SPTLC2: variants seen among roughly 807,000 people sequenced by gnomAD.
SPTLC2 encodes serine palmitoyltransferase long chain base subunit 2.
In SPTLC2, 21 loss-of-function variants were observed where a neutral mutation model predicts 62.0. That is an observed-to-expected ratio of 0.34 (90% CI 0.24 to 0.49). SPTLC2 has a LOEUF of 0.49. Ranked by LOEUF, SPTLC2 falls within the 20% of genes least tolerant of loss-of-function variation. The probability of loss-of-function intolerance (pLI) is 0.99; values close to 1 mark genes in which losing one functional copy is unlikely to be tolerated. For synonymous variants in SPTLC2, 261 were observed against 261.8 expected, an observed-to-expected ratio of 1.00 and a Z score of 0.03; for missense variants, 511 against 713.0, an observed-to-expected ratio of 0.72 and a Z score of 3.23.
At chr14:77,604,011 C>T (rs2079891628) in intron 1 of SPTLC2, among the ~76,000 whole-genome samples, 1 of 152,252 alleles carries the variant, frequency 6.6e-6, no homozygotes, top group Non-Finnish European at 1.5e-5. Context: ...TCTGCCCCCA[C>T]CACGTGCTCC....
Position 77,511,227 on chromosome 14 carries a change from T to C in SPTLC2, c.*1057A>G, listed in dbSNP as rs2079330764. ...TAAATTAATAAACCTAATCCTTAAA[T>C]AGGAACATGATAAATGCTTTCTGAG... On this transcript the variant is annotated 3_prime_UTR_variant, in exon 12 of 12. Transcript: ENST00000216484. The C allele has an allele frequency of 6.6e-6, 1 of 152,222 alleles. No homozygotes were observed. The highest frequency in any genetic ancestry group is 1.5e-5 in the Non-Finnish European group (1 of 68,032). 9.4% of individuals were successfully genotyped at this position (152,222 alleles called of 1,614,324 possible). A position where few individuals can be genotyped will look rare whatever the true frequency, so the allele number is the denominator to read the frequency against.
intron 10 of SPTLC2, 89 bp from the exon 11 acceptor site, chr14:77,518,256 T>C: frequency 6.3e-7 from 1 of 1,582,990 alleles, no homozygotes; most frequent in Non-Finnish European, 8.6e-7. Context: ...TTTCAACTCT[T>C]TGGTGATGCA....
chr14:77,551,567 CTG>C (rs2079555980), intron 9 of SPTLC2, among the ~76,000 whole-genome samples: 1 of 152,090 alleles, frequency 6.6e-6, no homozygotes, highest in Non-Finnish European at 1.5e-5. Flanking sequence ...AAAGTGAACA[CTG>C]AACTTCACTG....
chr14:77,561,656 T>C (rs948373937), intron 6 of SPTLC2, among the ~76,000 whole-genome samples: 5 of 150,628 alleles, frequency 3.3e-5, no homozygotes, highest in African/African-American at 9.7e-5. Flanking sequence ...TGATATTTAA[T>C]AAGATCTCAT....
chr14:77,527,564 G>T (rs1249418074), intron 9 of SPTLC2, among the ~76,000 whole-genome samples: 1 of 152,128 alleles, frequency 6.6e-6, no homozygotes, highest in Non-Finnish European at 1.5e-5. Flanking sequence ...ATTTTTAAAA[G>T]GAATATTTTA....
intron 1 of SPTLC2, among the ~76,000 whole-genome samples, chr14:77,614,492 G>GT (rs1369372689): frequency 6.6e-6 from 1 of 151,782 alleles, no homozygotes; most frequent in East Asian, 1.9e-4. Flanking sequence ...GTGAAACCCC[G>GT]TATCTACTAA....
chr14:77,524,367 T>C (rs754260638), intron 9 of SPTLC2, among the ~76,000 whole-genome samples: 85 of 151,934 alleles, frequency 5.6e-4, no homozygotes, highest in Middle Eastern at 3.4e-3. Context: ...GCCACCATGC[T>C]GCCCAGCCAC....
intron 1 of SPTLC2, among the ~76,000 whole-genome samples, chr14:77,610,182 C>A (rs1166577077): frequency 6.6e-6 from 1 of 152,070 alleles, no homozygotes; most frequent in African/African-American, 2.4e-5. Context: ...TCACTGTCGC[C>A]CAAGCTGAAG....
In SPTLC2 at chr14:77,512,437, G is replaced by C. The variant is rs909350705; in HGVS notation, c.1570-34C>G. ...CACAAGACAAAGTAGAGGTCTGTCA[G>C]AGCCAGTAGGATGCAGGCATGCCTG... On this transcript the variant is annotated intron_variant, in intron 11 of 11. Coordinates refer to ENST00000216484, the MANE Select transcript of SPTLC2 (RefSeq NM_004863.4). The C allele has an allele frequency of 6.8e-6, 11 of 1,613,954 alleles. No individual in the cohort carries two copies. In the African/African-American group the frequency reaches 1.3e-4, roughly 20 times the overall value.
rs2079767245 is a variant in SPTLC2 at position 77,583,918 on chromosome 14, G to T, written c.328-4809C>A. Reference sequence around the variant, plus strand: ...TATACTCATAAACATTCTTCCTGAAGATCCTCACAAATCCCATATCCTAGC... The same window carrying T: ...TATACTCATAAACATTCTTCCTGAATATCCTCACAAATCCCATATCCTAGC... On this transcript the variant is annotated intron_variant, in intron 2 of 11. Coordinates refer to ENST00000216484, the MANE Select transcript of SPTLC2 (RefSeq NM_004863.4). 3.3e-5 allele frequency among the ~76,000 whole-genome samples: 5 copies of T among 152,168 alleles called. No homozygotes were observed. The South Asian group carries it at 1.0e-3, about 32-fold the overall frequency.
Position 77,521,513 on chromosome 14 carries a change from A to C in SPTLC2, c.1372T>G (p.Phe458Val). 3.1e-6 allele frequency: 5 copies of C among 1,614,154 alleles called. No individual in the cohort carries two copies. The highest frequency in any genetic ancestry group is 4.2e-6 in the Non-Finnish European group (5 of 1,179,978). The part of the protein sequence containing the change: ...YFRRRLKEMG[F>V]IIYGNEDSPV... ...GAGTCTTCATTTCCATAGATGATGA[A>C]GCCCATCTCTTTCAGGCGTCTCCTG... Residue 458 changes from phenylalanine (F) to valine (V), a missense_variant, in exon 10 of 12, where the codon TTC becomes GTC. Phe to Val is a conservative substitution (Grantham distance 50). Transcript: ENST00000216484.
In SPTLC2 at chr14:77,511,433, G is replaced by GCACAT. The variant is rs2079331562; in HGVS notation, c.*846_*850dup. On this transcript the variant is annotated 3_prime_UTR_variant, in exon 12 of 12. Coordinates refer to ENST00000216484, the MANE Select transcript of SPTLC2 (RefSeq NM_004863.4). ...CCCCTGCCCCTCACCCACCAGGAGT[G>GCACAT]CACATCACTCTACGGAGCAGCTTTG... is the stretch of plus-strand genomic sequence containing the variant. The GCACAT allele has an allele frequency of 6.6e-6, 1 of 152,324 alleles. No homozygotes were observed. Among genetic ancestry groups the GCACAT allele is most frequent in the South Asian group, 2.1e-4 (1 of 4,832 alleles). The allele number at this position is 152,324 out of a possible 1,614,324, so 9.4% of individuals were successfully genotyped here.
intron 8 of SPTLC2, among the ~76,000 whole-genome samples, chr14:77,553,777 G>T (rs2140019184): frequency 6.8e-6 from 1 of 146,826 alleles, no homozygotes; most frequent in East Asian, 2.0e-4. Flanking sequence ...AAAAGTCACT[G>T]AAAATGAGTT....
chr14:77,552,040 A>G (rs2079558127), intron 9 of SPTLC2, 56 bp downstream of exon 9: 1 of 1,607,014 alleles, frequency 6.2e-7, no homozygotes, highest in Non-Finnish European at 8.5e-7. Context: ...CAAGAAAAAC[A>G]GCACGTTTGG....
intron 9 of SPTLC2, among the ~76,000 whole-genome samples, chr14:77,522,420 C>T (rs1358615905): frequency 6.6e-6 from 1 of 152,206 alleles, no homozygotes; most frequent in Non-Finnish European, 1.5e-5. Context: ...ACCTTGGCCT[C>T]CCAAAGTGCT....
At chr14:77,542,925 T>C (rs558760142) in intron 9 of SPTLC2, among the ~76,000 whole-genome samples, 1 of 152,282 alleles carries the variant, frequency 6.6e-6, no homozygotes, top group East Asian at 1.9e-4. Context: ...TTTAAAAGAA[T>C]GGTTGCTAAT....
At chr14:77,564,494 C>G (rs1179622354) in intron 5 of SPTLC2, among the ~76,000 whole-genome samples, 2 of 151,342 alleles carry the variant, frequency 1.3e-5, no homozygotes, top group South Asian at 2.1e-4. Context: ...CATACATTTT[C>G]TAGCTCTAGT....
rs981359097 is a variant in SPTLC2, at chr14:77,509,571, T to C, written c.*2713A>G. ...TATCTGTTTGAATCCTATCAGAGTC[T>C]TGAATCAGGCCGTGTTAAACTGTGT... On this transcript the variant is annotated 3_prime_UTR_variant, in exon 12 of 12. Coordinates refer to ENST00000216484, the MANE Select transcript of SPTLC2 (RefSeq NM_004863.4). 1.9e-5 allele frequency: 5 copies of C among 257,030 alleles called. No individual in the cohort carries two copies. Among genetic ancestry groups the C allele is most frequent in the Non-Finnish European group, 3.7e-5 (5 of 136,958 alleles). 15.9% of individuals were successfully genotyped at this position (257,030 alleles called of 1,614,324 possible). A position where few individuals can be genotyped will look rare whatever the true frequency, so the allele number is the denominator to read the frequency against.
At chr14:77,600,681 GAC>G (rs1446548096) in intron 1 of SPTLC2, among the ~76,000 whole-genome samples, 1 of 152,126 alleles carries the variant, frequency 6.6e-6, no homozygotes, top group Non-Finnish European at 1.5e-5. Flanking sequence ...ACAAGAATGT[GAC>G]ACTATATTAG....
Sources: gnomAD v4.1 joint callset for allele counts (sites outside exome capture counted in the v4.1 genomes callset) on GRCh38, gnomAD v4.1.1 for gene constraint, MANE v1.5 for transcripts, NCBI Gene and HGNC (gene_info 2026-07-23, HGNC 2026-07-21) for gene names.